The following CNTNAP4 variants were observed in gnomAD, a reference collection of about 807,000 sequenced individuals.
CNTNAP4 encodes the protein contactin-associated protein-like 4.
CNTNAP4 carries 98 observed loss-of-function variants against 148.4 expected under a neutral mutation model. The ratio of observed to expected loss-of-function variants is 0.66; its 90% CI spans 0.56 to 0.78. The LOEUF (loss-of-function observed/expected upper bound fraction) is 0.78. Ranked by LOEUF, CNTNAP4 falls within the 30% of genes least tolerant of loss-of-function variation. The pLI, the probability that CNTNAP4 is intolerant of heterozygous loss-of-function variation, is 0.00. For synonymous variants in CNTNAP4, 730 were observed against 565.1 expected (o/e 1.29, Z -4.14); for missense variants, 1,935 against 1,565.6 (o/e 1.24, Z -3.98).
chr16:76,495,050 G>A lies in CNTNAP4; in HGVS notation c.2221G>A (p.Ala741Thr). 4 of 1,613,056 alleles carry A rather than the reference G, an allele frequency of 2.5e-6. No individual in the cohort carries two copies. In the East Asian group the frequency reaches 6.7e-5, roughly 27 times the overall value. Residue 741 changes from alanine to threonine, a missense_variant, in exon 14 of 24, where the codon GCT becomes ACT. By Grantham distance (58) the Ala-to-Thr change is moderately conservative. Coordinates refer to ENST00000611870, the MANE Select transcript of CNTNAP4 (RefSeq NM_033401.5). ...TTCTCAGTATTACTGCAATTGTGATGCTGACCGGAATGAATGGTGATTTCC... is the reference window on the plus strand; with the variant it reads ...TTCTCAGTATTACTGCAATTGTGATACTGACCGGAATGAATGGTGATTTCC... ...IDSQYYCNCD[A>T]DRNEWTNDTG...
At chr16:76,416,230 T>G (rs1348910810) in intron 3 of CNTNAP4, among the ~76,000 whole-genome samples, 1 of 151,338 alleles carries the variant, frequency 6.6e-6, no homozygotes, top group Non-Finnish European at 1.5e-5. Flanking sequence ...AGTTTGTTGA[T>G]TTTCTCGAAT....
intron 3 of CNTNAP4, among the ~76,000 whole-genome samples, chr16:76,371,747 C>G (rs1389738350): frequency 1.3e-5 from 2 of 152,206 alleles, no homozygotes; most frequent in African/African-American, 4.8e-5. Context: ...CAACACAGCT[C>G]CAAGCTCAGG....
At chr16:76,476,749 C>G (rs1244400498) in intron 11 of CNTNAP4, among the ~76,000 whole-genome samples, 1 of 151,988 alleles carries the variant, frequency 6.6e-6, no homozygotes, top group African/African-American at 2.4e-5. Flanking sequence ...CTCATGAGGG[C>G]TTCACTCTCA....
chr16:76,429,077 C>T (rs2079523503), intron 4 of CNTNAP4, among the ~76,000 whole-genome samples: 1 of 152,298 alleles, frequency 6.6e-6, no homozygotes, highest in South Asian at 2.1e-4. Context: ...CAGTGGCCAA[C>T]TAACCTCTCA....
intron 3 of CNTNAP4, 25 bp from the exon 4 acceptor site, chr16:76,427,427 T>C: frequency 6.3e-7 from 1 of 1,591,962 alleles, no homozygotes; most frequent in Non-Finnish European, 8.6e-7. Flanking sequence ...GATACATTGA[T>C]GTGCTTCTTT....
intron 8 of CNTNAP4, among the ~76,000 whole-genome samples, chr16:76,461,683 C>T (rs1047015435): frequency 2.0e-5 from 3 of 152,116 alleles, no homozygotes; most frequent in African/African-American, 7.2e-5. Context: ...AAGGAAATTA[C>T]ATAGATGGAA....
rs775237229 is a variant in CNTNAP4, at chr16:76,379,227, C to T, written c.390+23716C>T. On this transcript the variant is annotated intron_variant, in intron 3 of 23. Transcript: ENST00000611870. Reference sequence around the variant, plus strand: ...ACATGGGAAATGGGAGGAAAGAATGCGAGAGAATCATGGTTGTTGGCTGTG... The same window carrying T: ...ACATGGGAAATGGGAGGAAAGAATGTGAGAGAATCATGGTTGTTGGCTGTG... 5.9e-5 allele frequency among the ~76,000 whole-genome samples: 9 copies of T among 152,116 alleles called. 1 individual carries two copies. The East Asian group carries it at 9.7e-4, about 16-fold the overall frequency.
intron 16 of CNTNAP4, 60 bp from the exon 17 acceptor site, chr16:76,521,979 G>C: frequency 6.8e-7 from 1 of 1,460,040 alleles, no homozygotes; most frequent in African/African-American, 1.4e-5. Flanking sequence ...AAGTATATTG[G>C]AGACTCGGCA....
At chr16:76,527,129 A>G (rs982532370) in intron 17 of CNTNAP4, among the ~76,000 whole-genome samples, 2 of 152,204 alleles carry the variant, frequency 1.3e-5, no homozygotes, top group Admixed American at 1.3e-4. Context: ...CCTTCTTCAC[A>G]GGCCAGAGAA....
At chr16:76,301,118 G>A (rs1171177985) in intron 1 of CNTNAP4, among the ~76,000 whole-genome samples, 1 of 151,986 alleles carries the variant, frequency 6.6e-6, no homozygotes, top group East Asian at 1.9e-4. Flanking sequence ...CCAGGAAATT[G>A]TGGGTAAGAG....
At chr16:76,428,579 T>C (rs1169548793) in intron 4 of CNTNAP4, among the ~76,000 whole-genome samples, 1 of 152,130 alleles carries the variant, frequency 6.6e-6, no homozygotes, top group Non-Finnish European at 1.5e-5. Flanking sequence ...GTTGAAGTTG[T>C]CTAAACTCTA....
chr16:76,538,108 TATTTC>T lies in CNTNAP4; in HGVS notation c.2996-6_2996-2del, dbSNP rs1300359760. The T allele has an allele frequency of 8.0e-7, 1 of 1,250,938 alleles. No homozygotes were observed. Among genetic ancestry groups the T allele is most frequent in the African/African-American group, 1.6e-5 (1 of 63,920 alleles). The allele number at this position is 1,250,938 out of a possible 1,614,324, so 77.5% of individuals were successfully genotyped here. A position where few individuals can be genotyped will look rare whatever the true frequency, so the allele number is the denominator to read the frequency against. ...TTTTAACAAAAATATATATATATAT[TATTTC>T]AGAGATTTCTGCATATTTTGGATCT... On this transcript the variant is annotated splice_polypyrimidine_tract_variant and splice_region_variant and intron_variant, in intron 18 of 23. Coordinates refer to ENST00000611870, the MANE Select transcript of CNTNAP4 (RefSeq NM_033401.5).
At chr16:76,376,206 C>A (rs761373996) in intron 3 of CNTNAP4, among the ~76,000 whole-genome samples, 7 of 152,116 alleles carry the variant, frequency 4.6e-5, no homozygotes, top group Non-Finnish European at 1.0e-4. Context: ...AAATACAACT[C>A]ATGCAAAATT....
chr16:76,522,719 T>TC (rs1446183871), intron 17 of CNTNAP4, among the ~76,000 whole-genome samples: 1,272 of 52,222 alleles, frequency 0.024, 155 homozygotes, highest in Admixed American at 0.079. Flanking sequence ...TTCTTTTCTT[T>TC]TCTTTTCTTT....
At chr16:76,299,851 T>G (rs552712750) in intron 1 of CNTNAP4, among the ~76,000 whole-genome samples, 14 of 152,258 alleles carry the variant, frequency 9.2e-5, no homozygotes. Flanking sequence ...TGTAGGGACA[T>G]GGATGAAGCT....
At chr16:76,487,975 G>T (rs1352742398) in intron 12 of CNTNAP4, among the ~76,000 whole-genome samples, 4 of 152,128 alleles carry the variant, frequency 2.6e-5, no homozygotes, top group Non-Finnish European at 4.4e-5. Flanking sequence ...TATATTGTCC[G>T]CCTTGCTTGG....
Position 76,522,687 on chromosome 16 carries a change from C to CTTTCTTTTCTTTTCTTTTCTTTTCT in CNTNAP4, c.2755+498_2755+522dup, listed in dbSNP as rs71378619. Among the ~76,000 whole-genome samples the CTTTCTTTTCTTTTCTTTTCTTTTCT allele has an allele frequency of 8.2e-3, 247 of 30,080 alleles. 8 individuals are homozygous for CTTTCTTTTCTTTTCTTTTCTTTTCT. The highest frequency in any genetic ancestry group is 0.021 in the East Asian group (22 of 1,044). 19.7% of individuals were successfully genotyped at this position (30,080 alleles called of 152,430 possible). A position where few individuals can be genotyped will look rare whatever the true frequency, so the allele number is the denominator to read the frequency against. ...CTTTCCTTCTTTCTCTCTTTCTCTCCTTTCTTTTCTTTTCTTTTCTTTTCT... is the reference window on the plus strand; with the variant it reads ...CTTTCCTTCTTTCTCTCTTTCTCTCCTTTCTTTTCTTTTCTTTTCTTTTCTTTTCTTTTCTTTTCTTTTCTTTTCT... On this transcript the variant is annotated intron_variant, in intron 17 of 23. Coordinates refer to ENST00000611870, the MANE Select transcript of CNTNAP4 (RefSeq NM_033401.5).
chr16:76,375,091 A>T (rs990279711), intron 3 of CNTNAP4, among the ~76,000 whole-genome samples: 1 of 151,966 alleles, frequency 6.6e-6, no homozygotes, highest in Non-Finnish European at 1.5e-5. Context: ...TTTAAGAGAA[A>T]TTTTCACCAA....
At chr16:76,307,648 C>A (rs1248364590) in intron 1 of CNTNAP4, among the ~76,000 whole-genome samples, 1 of 151,462 alleles carries the variant, frequency 6.6e-6, no homozygotes, top group East Asian at 1.9e-4. Flanking sequence ...CAATAAAAGT[C>A]TGTAATGTGT....
Sources: gnomAD v4.1 joint callset for allele counts (sites outside exome capture counted in the v4.1 genomes callset) on GRCh38, gnomAD v4.1.1 for gene constraint, MANE v1.5 for transcripts, NCBI Gene and HGNC (gene_info 2026-07-23, HGNC 2026-07-21) for gene names.